The following GRM7 variants were observed in gnomAD, a reference collection of about 807,000 sequenced individuals.
GRM7 encodes glutamate metabotropic receptor 7, also known as metabotropic glutamate receptor 7.
A neutral mutation model predicts 84.5 loss-of-function variants in GRM7; 35 were observed. That is an observed-to-expected ratio of 0.41 (90% CI 0.32 to 0.55). The LOEUF (loss-of-function observed/expected upper bound fraction) is 0.55. Among genes scored for constraint, GRM7 ranks in the 20% least tolerant of loss-of-function variants. The probability of loss-of-function intolerance (pLI) is 0.19; values close to 1 mark genes in which losing one functional copy is unlikely to be tolerated. For synonymous variants in GRM7, 487 were observed against 455.1 expected (o/e 1.07, Z -0.89); for missense variants, 1,003 against 1,194.6 (o/e 0.84, Z 2.36).
intron 1 of GRM7, among the ~76,000 whole-genome samples, chr3:7,083,904 C>G (rs535495132): frequency 6.6e-6 from 1 of 152,170 alleles, no homozygotes; most frequent in Non-Finnish European, 1.5e-5. Context: ...CACCAGCAAC[C>G]TGAGTGGCAA....
rs549819752 is a variant in GRM7 at position 7,062,120 on chromosome 3, A to T, written c.520-84332A>T. Among the ~76,000 whole-genome samples, 10 of 151,844 alleles carry T rather than the reference A, an allele frequency of 6.6e-5. No individual in the cohort carries two copies. The East Asian group carries it at 1.8e-3, about 27-fold the overall frequency. ...CACTCCGCTAGAAACTGTTAAAAAA[A>T]TTTCAAGAAAAGAAAAATAAAAGGG... On this transcript the variant is annotated intron_variant, in intron 1 of 9. Coordinates refer to ENST00000357716, the MANE Select transcript of GRM7 (RefSeq NM_000844.4).
At chr3:7,490,809 T>G (rs1461801157) in intron 7 of GRM7, among the ~76,000 whole-genome samples, 1 of 152,076 alleles carries the variant, frequency 6.6e-6, no homozygotes, top group Non-Finnish European at 1.5e-5. Context: ...GTGTAAAGTA[T>G]GAACAAGTAT....
At chr3:7,109,126 A>G (rs1479265895) in intron 1 of GRM7, among the ~76,000 whole-genome samples, 2 of 151,582 alleles carry the variant, frequency 1.3e-5, no homozygotes, top group Non-Finnish European at 2.9e-5. Context: ...AGAAAGATAC[A>G]CTCCTTCTTT....
At chr3:6,955,839 C>CT (rs1693024688) in intron 1 of GRM7, among the ~76,000 whole-genome samples, 1 of 69,614 alleles carries the variant, frequency 1.4e-5, no homozygotes, top group Admixed American at 1.3e-4. Flanking sequence ...GAGACTCTAT[C>CT]TCAAAAAAAA....
intron 7 of GRM7, among the ~76,000 whole-genome samples, chr3:7,573,432 T>C (rs1459314515): frequency 6.6e-6 from 1 of 152,190 alleles, no homozygotes; most frequent in East Asian, 1.9e-4. Flanking sequence ...GATAAAATTT[T>C]CTTTTAGATA....
intron 2 of GRM7, among the ~76,000 whole-genome samples, chr3:7,253,644 T>G (rs2124944239): frequency 7.0e-6 from 1 of 143,884 alleles, no homozygotes; most frequent in Middle Eastern, 3.7e-3. Context: ...AAAAAATCAC[T>G]AAATTCTCAC....
chr3:7,356,132 A>C (rs904998582), intron 4 of GRM7, among the ~76,000 whole-genome samples: 1 of 152,016 alleles, frequency 6.6e-6, no homozygotes, highest in African/African-American at 2.4e-5. Context: ...GACTGTAGCT[A>C]ATGCTTTAGC....
At chr3:7,733,002 G>A (rs2106528258) in intron 9 of GRM7, among the ~76,000 whole-genome samples, 1 of 152,260 alleles carries the variant, frequency 6.6e-6, no homozygotes. Context: ...TCCTGATGTG[G>A]CTATGGCATT....
intron 7 of GRM7, among the ~76,000 whole-genome samples, chr3:7,526,157 A>C (rs1021361669): frequency 6.6e-6 from 1 of 152,072 alleles, no homozygotes; most frequent in Admixed American, 6.6e-5. Context: ...TAATCATGCC[A>C]ACAGTGTATA....
chr3:6,986,805 C>G (rs1413961200), intron 1 of GRM7, among the ~76,000 whole-genome samples: 1 of 152,186 alleles, frequency 6.6e-6, no homozygotes, highest in Non-Finnish European at 1.5e-5. Flanking sequence ...CCCACCAGCA[C>G]TCTGCCCCTC....
At chr3:7,405,271 T>C (rs1695625614) in intron 4 of GRM7, among the ~76,000 whole-genome samples, 1 of 152,194 alleles carries the variant, frequency 6.6e-6, no homozygotes, top group Non-Finnish European at 1.5e-5. Context: ...TATTAGCTTT[T>C]TAAAGCACCA....
chr3:7,045,962 T>A (rs1281485069), intron 1 of GRM7, among the ~76,000 whole-genome samples: 1 of 152,102 alleles, frequency 6.6e-6, no homozygotes, highest in Non-Finnish European at 1.5e-5. Flanking sequence ...CTTTGCTATT[T>A]TCTACCATAA....
At chr3:7,316,260 T>C (rs1274148672) in intron 4 of GRM7, among the ~76,000 whole-genome samples, 1 of 152,108 alleles carries the variant, frequency 6.6e-6, no homozygotes, top group Non-Finnish European at 1.5e-5. Context: ...GACTTTGCTA[T>C]TGATTACGAG....
At chr3:6,952,521 A>T (rs1215909402) in intron 1 of GRM7, among the ~76,000 whole-genome samples, 1 of 152,146 alleles carries the variant, frequency 6.6e-6, no homozygotes, top group Non-Finnish European at 1.5e-5. Flanking sequence ...TGACTCTTCA[A>T]CTGAAGAAGT....
At chr3:7,489,400 A>T (rs1699441717) in intron 7 of GRM7, among the ~76,000 whole-genome samples, 2 of 152,272 alleles carry the variant, frequency 1.3e-5, no homozygotes, top group Non-Finnish European at 1.5e-5. Context: ...TCCATTTTAC[A>T]AGTGTAGCTC....
chr3:7,600,998 C>T (rs1696285763), intron 8 of GRM7, among the ~76,000 whole-genome samples: 1 of 152,150 alleles, frequency 6.6e-6, no homozygotes, highest in African/African-American at 2.4e-5. Flanking sequence ...AGGCTTCAAT[C>T]CCTAATACTT....
intron 2 of GRM7, among the ~76,000 whole-genome samples, chr3:7,260,196 T>A (rs1005210155): frequency 6.6e-6 from 1 of 152,098 alleles, no homozygotes; most frequent in Non-Finnish European, 1.5e-5. Flanking sequence ...TAGACCTTTG[T>A]CAGGTGCATA....
chr3:7,729,075 G>A (rs58874983), intron 9 of GRM7, among the ~76,000 whole-genome samples: 3,749 of 148,694 alleles, frequency 0.025, 154 homozygotes, highest in African/African-American at 0.085. Flanking sequence ...TAGTTTTGGG[G>A]ATTCCATGAC....
chr3:6,970,955 C>G (rs1559359490), intron 1 of GRM7, among the ~76,000 whole-genome samples: 1 of 151,410 alleles, frequency 6.6e-6, no homozygotes, highest in African/African-American at 2.4e-5. Flanking sequence ...ACACTCCAGC[C>G]TGGGCCACAG....
Sources: gnomAD v4.1 joint callset for allele counts (sites outside exome capture counted in the v4.1 genomes callset) on GRCh38, gnomAD v4.1.1 for gene constraint, MANE v1.5 for transcripts, NCBI Gene and HGNC (gene_info 2026-07-23, HGNC 2026-07-21) for gene names.